SLCO1C1: variants seen among roughly 807,000 people sequenced by gnomAD.
SLCO1C1 encodes solute carrier organic anion transporter family member 1C1.
SLCO1C1 carries 70 observed loss-of-function variants against 76.4 expected under a neutral mutation model. That is an observed-to-expected ratio of 0.92 (90% CI 0.76 to 1.12). The LOEUF (loss-of-function observed/expected upper bound fraction) is 1.12, where lower values mean the gene tolerates loss of function less well. Ranked by LOEUF, SLCO1C1 falls within the 50% of genes most tolerant of loss-of-function variation. The pLI, the probability that SLCO1C1 is intolerant of heterozygous loss-of-function variation, is 0.00. For missense variants in SLCO1C1, 912 were observed against 823.8 expected (o/e 1.11, Z -1.31); for synonymous variants, 306 against 286.1 (o/e 1.07, Z -0.70).
At chr12:20,699,741 T>C (rs1946429584) in intron 2 of SLCO1C1, 36 bp downstream of exon 2, 1 of 1,579,412 alleles carries the variant, frequency 6.3e-7, no homozygotes, top group African/African-American at 1.4e-5. Flanking sequence ...GTTGATGCTC[T>C]TAGTTTTCTG....
chr12:20,704,412 C>A (rs1946678832), intron 3 of SLCO1C1, among the ~76,000 whole-genome samples: 1 of 151,608 alleles, frequency 6.6e-6, no homozygotes, highest in East Asian at 1.9e-4. Context: ...TGTCAACTTT[C>A]ATTTTATGTT....
chr12:20,724,451 A>ATATATGTGTG (rs1555129500), intron 9 of SLCO1C1, among the ~76,000 whole-genome samples: 2 of 75,390 alleles, frequency 2.7e-5, no homozygotes, highest in Non-Finnish European at 4.8e-5. Context: ...ATATATATAT[A>ATATATGTGTG]TGTGTGTGTG....
At chr12:20,698,213 A>C (rs1946352462) in intron 1 of SLCO1C1, among the ~76,000 whole-genome samples, 2 of 151,896 alleles carry the variant, frequency 1.3e-5, no homozygotes, top group South Asian at 4.1e-4. Context: ...TTTTGTCTTG[A>C]TTAACATTAT....
chr12:20,723,071 T>G lies in SLCO1C1; in HGVS notation c.1022-19T>G. On this transcript the variant is annotated intron_variant, in intron 8 of 14. Transcript: ENST00000266509. Reference sequence around the variant, plus strand: ...CGTGACACCAACTTTAATTAGTCTATGTTATTTTTGTTTTACAGATTTTCT... The same window carrying G: ...CGTGACACCAACTTTAATTAGTCTAGGTTATTTTTGTTTTACAGATTTTCT... The G allele has an allele frequency of 1.2e-6, 2 of 1,600,204 alleles. 1 individual carries two copies. The highest frequency in any genetic ancestry group is 2.2e-5 in the South Asian group (2 of 89,238).
At position 20,722,071 on chromosome 12, in the gene SLCO1C1, G is replaced by A. The variant is rs373532525; in HGVS notation, c.1021+22G>A. 3.0e-4 allele frequency: 488 copies of A among 1,603,518 alleles called. 3 individuals carry two copies. Among genetic ancestry groups the A allele is most frequent in the Non-Finnish European group, 6.0e-5 (70 of 1,175,920 alleles). ...AGAGGTAAGTCAAATTCTTGATTTT[G>A]AAGTATTTTCATTTTTCTGTTGGGG... On this transcript the variant is annotated intron_variant, in intron 8 of 14. Coordinates refer to ENST00000266509, the MANE Select transcript of SLCO1C1 (RefSeq NM_017435.5).
intron 5 of SLCO1C1, among the ~76,000 whole-genome samples, chr12:20,712,385 C>T (rs992273179): frequency 6.6e-6 from 1 of 152,128 alleles, no homozygotes; most frequent in Admixed American, 6.5e-5. Flanking sequence ...TTGCCTCCTG[C>T]CTGGGCTTCA....
chr12:20,714,600 A>G (rs945969794), intron 5 of SLCO1C1, among the ~76,000 whole-genome samples: 3 of 152,228 alleles, frequency 2.0e-5, no homozygotes, highest in Non-Finnish European at 4.4e-5. Flanking sequence ...GTTATTCACT[A>G]ACAAACAAAT....
chr12:20,752,596 A>G lies in SLCO1C1; in HGVS notation c.*68A>G, dbSNP rs1949365761. 7.7e-7 allele frequency: 1 copy of G among 1,298,466 alleles called. No homozygotes were observed. Among genetic ancestry groups the G allele is most frequent in the Non-Finnish European group, 1.0e-6 (1 of 957,184 alleles). 80.4% of individuals were successfully genotyped at this position (1,298,466 alleles called of 1,614,324 possible). On this transcript the variant is annotated 3_prime_UTR_variant, in exon 15 of 15. Coordinates refer to ENST00000266509, the MANE Select transcript of SLCO1C1 (RefSeq NM_017435.5). ...TTTGCAAACAAATAAATTGTAATCA[A>G]AAGAGCTCTAAATTTGTAATTTCTT...
chr12:20,701,309 AT>A lies in SLCO1C1; in HGVS notation c.130-5del. 6.7e-7 allele frequency: 1 copy of A among 1,489,442 alleles called. No homozygotes were observed. The highest frequency in any genetic ancestry group is 9.1e-7 in the Non-Finnish European group (1 of 1,101,568). 92.3% of individuals were successfully genotyped at this position (1,489,442 alleles called of 1,614,324 possible). A position where few individuals can be genotyped will look rare whatever the true frequency, so the allele number is the denominator to read the frequency against. ...AGTCAGACTAAGTGTGACCTGTCAT[AT>A]TTTCCAGGTGTTCTTGTGTGCCTTG... On this transcript the variant is annotated splice_polypyrimidine_tract_variant and splice_region_variant and intron_variant, in intron 2 of 14. Transcript: ENST00000266509.
intron 8 of SLCO1C1, 127 bp from the exon 9 acceptor site, chr12:20,722,963 C>A: frequency 1.3e-6 from 1 of 771,492 alleles, no homozygotes; most frequent in Non-Finnish European, 2.1e-6. Context: ...TATGTGTGTA[C>A]CACACTGTGA....
intron 7 of SLCO1C1, among the ~76,000 whole-genome samples, chr12:20,719,709 G>C (rs191950242): frequency 7.9e-5 from 12 of 152,332 alleles, no homozygotes; most frequent in African/African-American, 2.6e-4. Context: ...AAGAGATGAG[G>C]AAGCTGCAGA....
chr12:20,712,080 T>G (rs1947138244), intron 5 of SLCO1C1, among the ~76,000 whole-genome samples: 1 of 152,192 alleles, frequency 6.6e-6, no homozygotes, highest in East Asian at 1.9e-4. Context: ...TGGTCATACT[T>G]GTCAGCATGG....
At chr12:20,707,695 C>T (rs1243348784) in intron 4 of SLCO1C1, among the ~76,000 whole-genome samples, 1 of 152,116 alleles carries the variant, frequency 6.6e-6, no homozygotes, top group Non-Finnish European at 1.5e-5. Flanking sequence ...GTTATCAATC[C>T]TTTTAGCTAA....
chr12:20,740,783 TTATTTA>T lies in SLCO1C1; in HGVS notation c.1733+419_1733+424del, dbSNP rs1486880751. ...TAATACAACAATGTTAGAATTTATT[TTATTTA>T]TATATATATATATATATATATATAT... is the stretch of plus-strand genomic sequence containing the variant. On this transcript the variant is annotated intron_variant, in intron 12 of 14. Coordinates refer to ENST00000266509, the MANE Select transcript of SLCO1C1 (RefSeq NM_017435.5). Among the ~76,000 whole-genome samples the T allele has an allele frequency of 1.3e-4, 7 of 53,994 alleles. 1 individual carries two copies. Among genetic ancestry groups the T allele is most frequent in the Admixed American group, 1.2e-3 (5 of 4,260 alleles). The allele number at this position is 53,994 out of a possible 152,430, so 35.4% of individuals were successfully genotyped here.
chr12:20,735,216 G>A (rs1193686883), intron 10 of SLCO1C1, among the ~76,000 whole-genome samples: 1 of 152,066 alleles, frequency 6.6e-6, no homozygotes, highest in Non-Finnish European at 1.5e-5. Context: ...TATTCAATAG[G>A]AAAACTGAAG....
intron 13 of SLCO1C1, 66 bp from the exon 14 acceptor site, chr12:20,750,609 G>C: frequency 2.1e-6 from 3 of 1,447,990 alleles, no homozygotes; most frequent in Non-Finnish European, 1.9e-6. Flanking sequence ...AGTGGTTTCA[G>C]ATAATCGTTC....
chr12:20,712,056 G>A lies in SLCO1C1; in HGVS notation c.529+546G>A, dbSNP rs146680795. ...GCCAGCTTACATATCTAAAACCCCCGTGGTCACACTGTTTGGTCATACTTG... is the reference window on the plus strand; with the variant it reads ...GCCAGCTTACATATCTAAAACCCCCATGGTCACACTGTTTGGTCATACTTG... On this transcript the variant is annotated intron_variant, in intron 5 of 14. Transcript: ENST00000266509. 8.3e-3 allele frequency among the ~76,000 whole-genome samples: 1,261 copies of A among 152,148 alleles called. 13 individuals carry two copies. The highest frequency in any genetic ancestry group is 0.029 in the African/African-American group (1,192 of 41,482).
At chr12:20,739,573 G>C (rs1948706727) in intron 11 of SLCO1C1, among the ~76,000 whole-genome samples, 1 of 152,062 alleles carries the variant, frequency 6.6e-6, no homozygotes, top group East Asian at 1.9e-4. Context: ...GTTTGGAAAG[G>C]GCAAAATGGG....
intron 3 of SLCO1C1, 113 bp downstream of exon 3, chr12:20,701,572 CT>C (rs34463708): frequency 0.041 from 21,140 of 510,604 alleles, 2 homozygotes; most frequent in Admixed American, 0.05. Flanking sequence ...TTCATAAAAT[CT>C]TTTTTTTTTT....
Sources: allele counts gnomAD v4.1 joint callset (sites outside exome capture counted in the v4.1 genomes callset), GRCh38; gene constraint gnomAD v4.1.1; transcripts MANE v1.5; gene names NCBI Gene and HGNC (gene_info 2026-07-23, HGNC 2026-07-21).